The following OSM variants were observed in gnomAD, a reference collection of about 807,000 sequenced individuals.
The protein encoded by OSM is oncostatin-M.
Under a neutral mutation model 6.3 loss-of-function variants are expected in OSM, and 1 was observed. The ratio of observed to expected loss-of-function variants is 0.16; its 90% confidence interval spans 0.06 to 0.76. OSM has a LOEUF of 0.76. OSM is among the 30% of genes least tolerant of loss of function. The pLI, the probability that OSM is intolerant of heterozygous loss-of-function variation, is 0.77. For missense variants in OSM, 324 were observed against 336.9 expected (o/e 0.96, Z 0.30); for synonymous variants, 135 against 143.4 (o/e 0.94, Z 0.42).
In OSM at chr22:30,266,848, G is replaced by A. The variant is rs779681018; in HGVS notation, c.-49C>T. The stretch of plus-strand genomic sequence containing the variant: ...GCGCCCGCTGGGGGTGACACCTCTC[G>A]GCTGGGAGCCCTGCAGGCTGGCAGC... On this transcript the variant is annotated 5_prime_UTR_variant, in exon 1 of 3. Coordinates refer to ENST00000215781, the MANE Select transcript of OSM (RefSeq NM_020530.6). The surrounding 1 kb of genome is among the most constrained non-coding windows in gnomAD (Gnocchi z 5.0). The A allele has an allele frequency of 1.5e-5, 24 of 1,600,416 alleles. No homozygotes were observed. Among genetic ancestry groups the A allele is most frequent in the East Asian group, 4.5e-5 (2 of 44,102 alleles).
chr22:30,264,439 G>A lies in OSM; in HGVS notation c.203C>T (p.Pro68Leu). The change falls in exon 3 of 3, where the codon CCT becomes CTT. Residue 68 changes from proline to leucine, a missense_variant. Physicochemically the swap from Pro to Leu is moderately conservative, Grantham distance 98. Transcript: ENST00000215781. ...CTCCCTGCAGTGCTCTCTCAGTTTA[G>A]GAACATCCAGGCCTTGGATACGTAT... is the stretch of plus-strand genomic sequence containing the variant. Reference protein sequence around the residue: ...PYIRIQGLDVPKLREHCRERP... With the variant: ...PYIRIQGLDVLKLREHCRERP... 6.2e-7 allele frequency: 1 copy of A among 1,608,322 alleles called. No individual in the cohort carries two copies. Among genetic ancestry groups the A allele is most frequent in the Non-Finnish European group, 8.5e-7 (1 of 1,175,348 alleles).
At chr22:30,264,532 C>T (rs75951407) in intron 2 of OSM, 68 bp from the exon 3 acceptor site, 276,558 of 1,315,122 alleles carry the variant, frequency 0.21, 30,488 homozygotes, top group Non-Finnish European at 0.23. Context: ...ACAAGTAAGC[C>T]TTGAAATGCT....
At chr22:30,264,529 A>C in intron 2 of OSM, 65 bp from the exon 3 acceptor site, 1 of 1,339,768 alleles carries the variant, frequency 7.5e-7, no homozygotes, top group Non-Finnish European at 1.0e-6. Flanking sequence ...CAGACAAGTA[A>C]GCCTTGAAAT....
In OSM at chr22:30,263,871, G is replaced by A; in HGVS notation, c.*12C>T. 5 of 1,490,700 alleles carry A rather than the reference G, an allele frequency of 3.4e-6. No individual in the cohort carries two copies. The Admixed American group carries it at 9.3e-5, about 28-fold the overall frequency. The allele number at this position is 1,490,700 out of a possible 1,614,324, so 92.3% of individuals were successfully genotyped here. On this transcript the variant is annotated 3_prime_UTR_variant, in exon 3 of 3. Coordinates refer to ENST00000215781, the MANE Select transcript of OSM (RefSeq NM_020530.6). ...CTGCCGCATCCTTCACCGGCAAGGGGTGCTCTCGAGGCTACCGGGGCAGCT... is the reference window on the plus strand; with the variant it reads ...CTGCCGCATCCTTCACCGGCAAGGGATGCTCTCGAGGCTACCGGGGCAGCT...
chr22:30,264,599 G>T (rs1929342756), intron 2 of OSM, 135 bp from the exon 3 acceptor site: 1 of 764,416 alleles, frequency 1.3e-6, no homozygotes, highest in Non-Finnish European at 2.1e-6. Flanking sequence ...ACTGAGGCCC[G>T]AGAGGGAAGA....
At chr22:30,265,461 C>T (rs1929367077) in intron 1 of OSM, 3 of 1,101,336 alleles carry the variant, frequency 2.7e-6, no homozygotes, top group East Asian at 4.9e-5. Context: ...GTCCTGCCTA[C>T]AGCACGGTTC....
Position 30,264,002 on chromosome 22 carries a change from C to A in OSM, c.640G>T (p.Glu214Ter). 6.4e-7 allele frequency: 1 copy of A among 1,557,716 alleles called. No individual in the cohort carries two copies. Among genetic ancestry groups the A allele is most frequent in the South Asian group, 1.2e-5 (1 of 81,792 alleles). The change falls in exon 3 of 3, where the codon GAG (glutamate) becomes TAG (stop). Residue 214 changes from glutamate to a stop codon, truncating the protein, a stop_gained. Transcript: ENST00000215781. LOFTEE classifies it low-confidence loss of function (END_TRUNC). ...SVGRVFSKWG[E>*]SPNRSRRHSP... ...TGTCTCCGGCTCCGGTTCGGGCTCT[C>A]CCCCCACTTGCTGAAGACCCGCCCC...
rs199537919 is a variant in OSM at position 30,264,460 on chromosome 22, C to G, written c.182G>C (p.Arg61Pro). ...TTTAGGAACATCCAGGCCTTGGATA[C>G]GTATCTGGCGGGAACAGGAGGATCA... is the stretch of plus-strand genomic sequence containing the variant. ...DTSRLLDPYI[R>P]IQGLDVPKLR... The change falls in exon 3 of 3, where the codon CGT becomes CCT. Residue 61 changes from arginine to proline, a missense_variant. Coordinates refer to ENST00000215781, the MANE Select transcript of OSM (RefSeq NM_020530.6). The G allele has an allele frequency of 5.0e-6, 8 of 1,599,506 alleles. No homozygotes were observed. Among genetic ancestry groups the G allele is most frequent in the African/African-American group, 1.3e-5 (1 of 74,654 alleles).
chr22:30,265,483 G>A (rs1929367878), intron 1 of OSM: 24 of 941,312 alleles, frequency 2.5e-5, no homozygotes, highest in Non-Finnish European at 3.2e-5. Context: ...AACCTCGGGA[G>A]CTGACTCTCT....
rs991655576 is a variant in OSM at position 30,266,838 on chromosome 22, G to A, written c.-39C>T. 1.4e-5 allele frequency: 23 copies of A among 1,587,464 alleles called. No homozygotes were observed. The highest frequency in any genetic ancestry group is 1.9e-5 in the Non-Finnish European group (22 of 1,164,600). On this transcript the variant is annotated 5_prime_UTR_variant, in exon 1 of 3. Transcript: ENST00000215781. This position sits in a 1 kb window ranked among gnomAD's most constrained non-coding sequence, Gnocchi z 5.0. ...GCTCCGGCCCGCGCCCGCTGGGGGT[G>A]ACACCTCTCGGCTGGGAGCCCTGCA...
Position 30,263,791 on chromosome 22 carries a change from GT to G in OSM, c.*91del. On this transcript the variant is annotated 3_prime_UTR_variant, in exon 3 of 3. Coordinates refer to ENST00000215781, the MANE Select transcript of OSM (RefSeq NM_020530.6). ...AGTGGCTAGTAGCAGAGGGGAACAG[GT>G]TTGGGGACCCGGGAGCTGTCATCCT... The G allele has an allele frequency of 9.2e-7, 1 of 1,085,430 alleles. No homozygotes were observed. Among genetic ancestry groups the G allele is most frequent in the Middle Eastern group, 3.1e-4 (1 of 3,270 alleles). The allele number at this position is 1,085,430 out of a possible 1,614,324, so 67.2% of individuals were successfully genotyped here.
chr22:30,265,026 G>T lies in OSM; in HGVS notation c.153C>A (p.Asp51Glu), dbSNP rs1929353539. Residue 51 changes from aspartate (D) to glutamate (E), a missense_variant, in exon 2 of 3, where the codon GAC becomes GAA. Asp to Glu is a conservative substitution (Grantham distance 45). Coordinates refer to ENST00000215781, the MANE Select transcript of OSM (RefSeq NM_020530.6). ...QLQKQTDLMQ[D>E]TSRLLDPYIR... ...CATAGGGGTCCAGGAGTCTGCTGGTGTCCTGCATGAGATCTGTCTGCTTCT... is the reference window on the plus strand; with the variant it reads ...CATAGGGGTCCAGGAGTCTGCTGGTTTCCTGCATGAGATCTGTCTGCTTCT... 1 of 1,614,062 alleles carries T rather than the reference G, an allele frequency of 6.2e-7. No homozygotes were observed. Among genetic ancestry groups the T allele is most frequent in the Non-Finnish European group, 8.5e-7 (1 of 1,180,014 alleles).
chr22:30,264,907 T>C, intron 2 of OSM, 95 bp downstream of exon 2: 7 of 1,433,132 alleles, frequency 4.9e-6, no homozygotes, highest in Non-Finnish European at 6.7e-6. Context: ...CCTGGCCATA[T>C]GGAGTGGGGC....
Position 30,264,328 on chromosome 22 carries a change from C to T in OSM, c.314G>A (p.Cys105Tyr), listed in dbSNP as rs1489800981. Residue 105 changes from cysteine to tyrosine, a missense_variant, in exon 3 of 3, where the codon TGC (cysteine) becomes TAC (tyrosine). By Grantham distance (194) the Cys-to-Tyr change is radical (BLOSUM62 -2). Coordinates refer to ENST00000215781, the MANE Select transcript of OSM (RefSeq NM_020530.6). ...TAAGTCGGCCAGTCTGTGCAGGACG[C>T]AGCCCAGTGTGGCATTGAGGGTCTG... is the stretch of plus-strand genomic sequence containing the variant. The part of the protein sequence containing the change: ...FLQTLNATLG[C>Y]VLHRLADLEQ... 2.5e-6 allele frequency: 4 copies of T among 1,613,920 alleles called. No homozygotes were observed. Among genetic ancestry groups the T allele is most frequent in the African/African-American group, 2.7e-5 (2 of 74,950 alleles).
chr22:30,263,963 C>G lies in OSM; in HGVS notation c.679G>C (p.Ala227Pro). ...NRSRRHSPHQ[A>P]LRKGVRRTRP... ...GTCCTGCGCACCCCCTTCCTCAGGG[C>G]CTGGTGGGGGCTGTGTCTCCGGCTC... The change falls in exon 3 of 3, where the codon GCC becomes CCC. Residue 227 changes from alanine to proline, a missense_variant. Transcript: ENST00000215781. The G allele has an allele frequency of 6.5e-7, 1 of 1,532,388 alleles. No homozygotes were observed. The highest frequency in any genetic ancestry group is 8.8e-7 in the Non-Finnish European group (1 of 1,140,736). The allele number at this position is 1,532,388 out of a possible 1,614,324, so 94.9% of individuals were successfully genotyped here.
rs1276324235 is a variant in OSM at position 30,266,681 on chromosome 22, A to C, written c.34+85T>G. On this transcript the variant is annotated intron_variant, in intron 1 of 2. Coordinates refer to ENST00000215781, the MANE Select transcript of OSM (RefSeq NM_020530.6). The surrounding 1 kb of genome is among the most constrained non-coding windows in gnomAD (Gnocchi z 5.0). ...GGCGCCTGGCCTCCCCAGTTCCCGG[A>C]GGGCAGAGGGTGCCTCTGCTCCCCA... 1.8e-5 allele frequency: 26 copies of C among 1,474,148 alleles called. No homozygotes were observed. Among genetic ancestry groups the C allele is most frequent in the Non-Finnish European group, 2.1e-5 (22 of 1,061,266 alleles). 91.3% of individuals were successfully genotyped at this position (1,474,148 alleles called of 1,614,324 possible).
intron 1 of OSM, 60 bp from the exon 2 acceptor site, chr22:30,265,204 C>T (rs1292283998): frequency 1.3e-5 from 21 of 1,570,528 alleles, no homozygotes; most frequent in East Asian, 4.5e-5. Flanking sequence ...ATGGGAGCCT[C>T]GGGGAGGGGG....
In OSM at chr22:30,263,783, G is replaced by T; in HGVS notation, c.*100C>A. ...CACTTCTCAGTGGCTAGTAGCAGAG[G>T]GGAACAGGTTTGGGGACCCGGGAGC... On this transcript the variant is annotated 3_prime_UTR_variant, in exon 3 of 3. Transcript: ENST00000215781. 1.1e-6 allele frequency: 1 copy of T among 921,924 alleles called. No individual in the cohort carries two copies. The highest frequency in any genetic ancestry group is 1.6e-6 in the Non-Finnish European group (1 of 629,522). The allele number at this position is 921,924 out of a possible 1,614,324, so 57.1% of individuals were successfully genotyped here.
chr22:30,264,575 G>A lies in OSM; in HGVS notation c.178-111C>T, dbSNP rs1929342251. The stretch of plus-strand genomic sequence containing the variant: ...ATGCACCCCAATCCAATCTCCCACT[G>A]GACAGATCCGGAAACTGAGGCCCGA... On this transcript the variant is annotated intron_variant, in intron 2 of 2. Coordinates refer to ENST00000215781, the MANE Select transcript of OSM (RefSeq NM_020530.6). The A allele has an allele frequency of 6.9e-5, 62 of 901,080 alleles. 1 individual carries two copies. In the South Asian group the frequency reaches 1.0e-3, roughly 15 times the overall value. 55.8% of individuals were successfully genotyped at this position (901,080 alleles called of 1,614,324 possible). A position where few individuals can be genotyped will look rare whatever the true frequency, so the allele number is the denominator to read the frequency against.
Sources: allele counts gnomAD v4.1 joint callset, GRCh38; gene constraint gnomAD v4.1.1; non-coding constraint Gnocchi (gnomAD v3.1); transcripts MANE v1.5; gene names NCBI Gene and HGNC (gene_info 2026-07-23, HGNC 2026-07-21).